VWA3A: variants seen among roughly 807,000 people sequenced by gnomAD.
VWA3A encodes the protein von Willebrand factor A domain containing 3A, also known as von Willebrand factor A domain-containing protein 3A.
Under a neutral mutation model 160.4 loss-of-function variants are expected in VWA3A, and 134 were observed. The observed-to-expected ratio is 0.84, with a 90% CI of 0.73 to 0.96. The LOEUF is 0.96. Ranked by LOEUF, VWA3A falls within the 40% of genes least tolerant of loss-of-function variation. The pLI is 0.00. For missense variants in VWA3A, 1,310 were observed against 1,447.9 expected, an observed-to-expected ratio of 0.90 and a Z score of 1.55; for synonymous variants, 476 against 543.4, an observed-to-expected ratio of 0.88 and a Z score of 1.72.
At chr16:22,101,355 C>T (rs544538006) in intron 5 of VWA3A, among the ~76,000 whole-genome samples, 3 of 152,254 alleles carry the variant, frequency 2.0e-5, no homozygotes, top group East Asian at 1.9e-4. Context: ...AAATTGATTG[C>T]GTTCATAACT....
At chr16:22,152,872 C>A (rs1318650350) in intron 31 of VWA3A, among the ~76,000 whole-genome samples, 1 of 152,206 alleles carries the variant, frequency 6.6e-6, no homozygotes, top group Non-Finnish European at 1.5e-5. Flanking sequence ...GGTTTCCCTG[C>A]TGCTGTCCTT....
Position 22,148,199 on chromosome 16 carries a change from A to G in VWA3A, c.2877A>G (p.Lys959=). 1 of 1,603,930 alleles carries G rather than the reference A, an allele frequency of 6.2e-7. No homozygotes were observed. The highest frequency in any genetic ancestry group is 8.5e-7 in the Non-Finnish European group (1 of 1,175,466). ...TGTTTGGCACCGTTTTGGAGAGCAA[A>G]GTATGCATATTGCTGGACACGTCAG... is the stretch of plus-strand genomic sequence containing the variant. The part of the protein sequence containing the change: ...RRLFGTVLES[K]VCILLDTSGS... The change falls in exon 28 of 34, where the codon AAA becomes AAG. Residue 959 remains lysine (K), a synonymous_variant. Transcript: ENST00000389398.
intron 24 of VWA3A, 128 bp from the exon 25 acceptor site, chr16:22,142,525 TGATCTATTCATGAGG>T: frequency 1.6e-6 from 1 of 609,246 alleles, no homozygotes; most frequent in Non-Finnish European, 3.0e-6. Context: ...GAGAGAGCAT[TGATCTATTCATGAGG>T]GATCCGTTCC....
intron 1 of VWA3A, among the ~76,000 whole-genome samples, chr16:22,095,493 A>G (rs1598039775): frequency 1.3e-5 from 2 of 152,216 alleles, no homozygotes; most frequent in South Asian, 4.1e-4. Context: ...CTAGAAATAG[A>G]GAAGGCTTTG....
In VWA3A at chr16:22,102,582, C is replaced by G. The variant is rs117913386; in HGVS notation, c.429-893C>G. The stretch of plus-strand genomic sequence containing the variant: ...GCATATGATATATGCTAGTCTTCAA[C>G]CAGTCATTGCAAGCCAGGCATGCAA... On this transcript the variant is annotated intron_variant, in intron 5 of 33. Coordinates refer to ENST00000389398, the MANE Select transcript of VWA3A (RefSeq NM_173615.5). Among the ~76,000 whole-genome samples, 539 of 152,238 alleles carry G rather than the reference C, an allele frequency of 3.5e-3. 3 individuals are homozygous for G. The highest frequency in any genetic ancestry group is 6.8e-3 in the Non-Finnish European group (465 of 68,024).
chr16:22,109,089 T>TA lies in VWA3A; in HGVS notation c.484-392dup, dbSNP rs567129293. Among the ~76,000 whole-genome samples the TA allele has an allele frequency of 1.1e-3, 173 of 152,282 alleles. 1 individual carries two copies. The highest frequency in any genetic ancestry group is 3.9e-3 in the African/African-American group (161 of 41,568). On this transcript the variant is annotated intron_variant, in intron 6 of 33. Transcript: ENST00000389398. ...ACCTAACACATCTGTCTTTGATTGATAGAGTAGGCAAAAAATAAATAAGGA... is the reference window on the plus strand; with the variant it reads ...ACCTAACACATCTGTCTTTGATTGATAAGAGTAGGCAAAAAATAAATAAGGA...
chr16:22,124,378 C>T (rs76490549), intron 16 of VWA3A, among the ~76,000 whole-genome samples: 2,126 of 151,202 alleles, frequency 0.014, 47 homozygotes, highest in African/African-American at 0.048. Flanking sequence ...AGAGGTGTTT[C>T]CCAAAGGAAA....
intron 5 of VWA3A, 151 bp from the exon 6 acceptor site, chr16:22,103,324 G>A (rs762085723): frequency 6.4e-5 from 43 of 674,518 alleles, no homozygotes; most frequent in Non-Finnish European, 1.0e-4. Context: ...GTGCACTACA[G>A]TGCACCTAAA....
intron 17 of VWA3A, among the ~76,000 whole-genome samples, chr16:22,130,628 G>T (rs2045930825): frequency 6.6e-6 from 1 of 152,044 alleles, no homozygotes; most frequent in Non-Finnish European, 1.5e-5. Context: ...TTTTGAGATG[G>T]GATCTCACTC....
intron 23 of VWA3A, chr16:22,141,332 A>G: frequency 1.6e-6 from 1 of 635,280 alleles, no homozygotes; most frequent in Non-Finnish European, 2.9e-6. Context: ...GAAGCAAGGC[A>G]GCATACTCAA....
chr16:22,148,234 G>A lies in VWA3A; in HGVS notation c.2912G>A (p.Gly971Asp), dbSNP rs746090386. Residue 971 changes from glycine to aspartate, a missense_variant, in exon 28 of 34, where the codon GGC becomes GAC. By Grantham distance (94) the Gly-to-Asp change is moderately conservative. Coordinates refer to ENST00000389398, the MANE Select transcript of VWA3A (RefSeq NM_173615.5). The stretch of plus-strand genomic sequence containing the variant: ...TTGCTGGACACGTCAGGGTCCATGG[G>A]CCCCTACCTGCAGCAGGTGAAGACA... ...CILLDTSGSM[G>D]PYLQQVKTEL... 2 of 1,599,218 alleles carry A rather than the reference G, an allele frequency of 1.3e-6. No individual in the cohort carries two copies. The highest frequency in any genetic ancestry group is 1.7e-5 in the Admixed American group (1 of 57,394).
chr16:22,100,070 C>T (rs2045383646), intron 3 of VWA3A, 124 bp from the exon 4 acceptor site: 4 of 1,208,966 alleles, frequency 3.3e-6, no homozygotes, highest in South Asian at 1.6e-5. Flanking sequence ...AGCGAAACTC[C>T]GTCTCAAAAA....
Position 22,152,581 on chromosome 16 carries a change from G to A in VWA3A, c.3352G>A (p.Asp1118Asn). 1.2e-6 allele frequency: 2 copies of A among 1,611,646 alleles called. No individual in the cohort carries two copies. ...ACGCTATCACTGCCCTGTGGGTGAG[G>A]ACACACTCTCCAAAATTCACAGCCT... ...GGRYHCPVGE[D>N]TLSKIHSLLT... The change falls in exon 31 of 34, where the codon GAC (aspartate) becomes AAC (asparagine). Residue 1118 changes from aspartate to asparagine, a missense_variant. Asp to Asn is a conservative substitution (Grantham distance 23). Transcript: ENST00000389398.
rs200105087 is a variant in VWA3A at position 22,117,184 on chromosome 16, C to T, written c.990+8C>T. On this transcript the variant is annotated splice_region_variant and intron_variant, in intron 11 of 33. Transcript: ENST00000389398. ...TACAGCCCAAAGATGGAGGTAAGCC[C>T]TTCTGTCAACACATGGCCCCTCTTC... 2 of 1,573,210 alleles carry T rather than the reference C, an allele frequency of 1.3e-6. No homozygotes were observed. Among genetic ancestry groups the T allele is most frequent in the African/African-American group, 2.7e-5 (2 of 73,974 alleles).
chr16:22,109,155 T>C (rs1472261994), intron 6 of VWA3A, among the ~76,000 whole-genome samples: 1 of 152,158 alleles, frequency 6.6e-6, no homozygotes, highest in Non-Finnish European at 1.5e-5. Context: ...TAAATAGCCA[T>C]CAAATTTTAT....
At chr16:22,096,760 A>G in intron 1 of VWA3A, 99 bp from the exon 2 acceptor site, 1 of 814,374 alleles carries the variant, frequency 1.2e-6, no homozygotes, top group Non-Finnish European at 2.0e-6. Context: ...AAAATTAAAC[A>G]TGTAGAAAAA....
chr16:22,116,358 G>A (rs935235515), intron 9 of VWA3A: 7 of 426,224 alleles, frequency 1.6e-5, no homozygotes, highest in Non-Finnish European at 3.2e-5. Context: ...AGAAAAGGAA[G>A]GAAAGAAGGA....
intron 22 of VWA3A, among the ~76,000 whole-genome samples, chr16:22,139,351 G>A (rs181516897): frequency 2.0e-5 from 3 of 152,236 alleles, no homozygotes; most frequent in Non-Finnish European, 4.4e-5. Flanking sequence ...ACTGTTTAAT[G>A]ACCGCCACAC....
At chr16:22,147,992 C>T (rs1023299883) in intron 27 of VWA3A, among the ~76,000 whole-genome samples, 170 bp from the exon 28 acceptor site, 4 of 152,128 alleles carry the variant, frequency 2.6e-5, no homozygotes, top group African/African-American at 9.7e-5. Flanking sequence ...CAATCGACCC[C>T]TCCCACAGCA....
Sources: gnomAD v4.1 joint callset for allele counts (sites outside exome capture counted in the v4.1 genomes callset) on GRCh38, gnomAD v4.1.1 for gene constraint, MANE v1.5 for transcripts, NCBI Gene and HGNC (gene_info 2026-07-23, HGNC 2026-07-21) for gene names.